Variants in ZNF7 observed in about 807,000 individuals in gnomAD.
The protein encoded by ZNF7 is C2-H2 type zinc finger protein.
A neutral mutation model predicts 12.0 loss-of-function variants in ZNF7; 10 were observed. The ratio of observed to expected loss-of-function variants is 0.83; its 90% confidence interval spans 0.51 to 1.42. The LOEUF is 1.42. Among genes scored for constraint, ZNF7 ranks in the 40% most tolerant of loss-of-function variants. ZNF7 has a pLI of 0.00. For missense variants in ZNF7, 854 were observed against 837.2 expected (o/e 1.02, Z -0.25); for synonymous variants, 334 against 295.0 (o/e 1.13, Z -1.35).
rs772095101 is a variant in ZNF7 at position 144,842,347 on chromosome 8, AAGTGTGATG to A, written c.1247_1255del (p.Asp416_Cys418del). On this transcript the variant is annotated inframe_deletion, in exon 5 of 5. Coordinates refer to ENST00000532777, the MANE Select transcript of ZNF7 (RefSeq NM_003416.4). ...AATTCACGCTGTAGAGAAACCATTT[AAGTGTGATG>A]AGTGTGGGAAAGCTTTTAGGTGGAT... 2 of 1,613,872 alleles carry A rather than the reference AAGTGTGATG, an allele frequency of 1.2e-6. No homozygotes were observed. Among genetic ancestry groups the A allele is most frequent in the Non-Finnish European group, 1.7e-6 (2 of 1,180,016 alleles).
chr8:144,828,456 C>A (rs1245282341), intron 1 of ZNF7, among the ~76,000 whole-genome samples: 1 of 152,206 alleles, frequency 6.6e-6, no homozygotes, highest in Non-Finnish European at 1.5e-5. Context: ...CCTTCCCCAA[C>A]CTCCAGTCGC....
Position 144,842,657 on chromosome 8 carries a change from G to T in ZNF7, c.1550G>T (p.Arg517Ile). The change falls in exon 5 of 5, where the codon AGA becomes ATA. Residue 517 changes from arginine to isoleucine, a missense_variant. By Grantham distance (97) the Arg-to-Ile change is moderately conservative. Coordinates refer to ENST00000532777, the MANE Select transcript of ZNF7 (RefSeq NM_003416.4). ...AGTTCCAGCCTTATTTACCATCAGAGAATCCATAAAGGAGAGAAGCCCTAC... is the reference window on the plus strand; with the variant it reads ...AGTTCCAGCCTTATTTACCATCAGATAATCCATAAAGGAGAGAAGCCCTAC... ...SQSSSLIYHQ[R>I]IHKGEKPYEC... The T allele has an allele frequency of 1.2e-6, 2 of 1,614,186 alleles. No individual in the cohort carries two copies. Among genetic ancestry groups the T allele is most frequent in the Middle Eastern group, 1.6e-4 (1 of 6,062 alleles).
intron 4 of ZNF7, 71 bp from the exon 5 acceptor site, chr8:144,841,284 C>T (rs1354113957): frequency 2.7e-5 from 40 of 1,476,920 alleles, no homozygotes; most frequent in Non-Finnish European, 3.4e-5. Flanking sequence ...AGCCCTGGCC[C>T]CCGCATTTGT....
downstream of ZNF7, among the ~76,000 whole-genome samples, chr8:144,844,709 C>CAAAAAAAAAAA (rs71320849): frequency 4.5e-5 from 4 of 88,614 alleles, no homozygotes; most frequent in African/African-American, 1.7e-4. Context: ...GACTCTGTAT[C>CAAAAAAAAAAA]AAAAAAAAAA....
chr8:144,846,188 A>T (rs1259028600), downstream of ZNF7: 1 of 1,535,874 alleles, frequency 6.5e-7, no homozygotes, highest in East Asian at 2.4e-5. Flanking sequence ...AAAATTCCAG[A>T]TTCTGTGCTA....
chr8:144,845,624 T>A (rs147090252), downstream of ZNF7, among the ~76,000 whole-genome samples: 233 of 152,326 alleles, frequency 1.5e-3, 1 homozygote, highest in Admixed American at 3.4e-3. Context: ...AGGCTGATAT[T>A]CACAGGCATG....
At position 144,843,092 on chromosome 8, in the gene ZNF7, A is replaced by C; in HGVS notation, c.1985A>C (p.Tyr662Ser). 6.2e-7 allele frequency: 1 copy of C among 1,613,010 alleles called. No homozygotes were observed. The highest frequency in any genetic ancestry group is 8.5e-7 in the Non-Finnish European group (1 of 1,179,700). Residue 662 changes from tyrosine (Y) to serine (S), a missense_variant, in exon 5 of 5, where the codon TAT becomes TCT. Transcript: ENST00000532777. Reference sequence around the variant, plus strand: ...AGAATTCACACCGGGGAGAAGCCTTATAAATGCAATGACTGTGGCAAAGCT... The same window carrying C: ...AGAATTCACACCGGGGAGAAGCCTTCTAAATGCAATGACTGTGGCAAAGCT... ...HQRIHTGEKP[Y>S]KCNDCGKAFN...
At chr8:144,833,014 A>G (rs1828616161) in intron 3 of ZNF7, among the ~76,000 whole-genome samples, 2 of 152,080 alleles carry the variant, frequency 1.3e-5, no homozygotes, top group Admixed American at 6.5e-5. Context: ...CCAGGCCAAC[A>G]TGGTGAAACC....
At chr8:144,830,677 G>GTGGTT (rs2130546998) in intron 3 of ZNF7, among the ~76,000 whole-genome samples, 1 of 150,896 alleles carries the variant, frequency 6.6e-6, no homozygotes, top group East Asian at 1.9e-4. Flanking sequence ...TCATTTAGAT[G>GTGGTT]TGGTTTACCC....
intron 1 of ZNF7, 155 bp from the exon 2 acceptor site, chr8:144,828,888 C>A: frequency 2.2e-6 from 2 of 917,080 alleles, no homozygotes; most frequent in Non-Finnish European, 3.3e-6. Flanking sequence ...GCCTCCTTCA[C>A]TCAAGTGCCA....
intron 4 of ZNF7, among the ~76,000 whole-genome samples, chr8:144,839,843 G>A (rs905876497): frequency 2.6e-5 from 4 of 152,304 alleles, no homozygotes; most frequent in African/African-American, 7.2e-5. Context: ...GCACCCCCAC[G>A]CTTTTGACCA....
chr8:144,835,600 C>T (rs1735412), intron 3 of ZNF7: 1 of 152,048 alleles, frequency 6.6e-6, no homozygotes, highest in African/African-American at 2.4e-5. Flanking sequence ...GTTTTGTCAT[C>T]AGTCATATTC....
At chr8:144,833,171 C>G (rs1735414) in intron 3 of ZNF7, among the ~76,000 whole-genome samples, 2 of 136,180 alleles carry the variant, frequency 1.5e-5, no homozygotes, top group Non-Finnish European at 3.1e-5. Flanking sequence ...GCACTTCAGT[C>G]TGGGCAATAA....
chr8:144,829,064 G>C lies in ZNF7; in HGVS notation c.-24G>C, dbSNP rs778875974. ...ACAGGTCTCTCGGCCAGAACACGTG[G>C]ATGCCCACCCACCACTGAGCCTCAT... is the stretch of plus-strand genomic sequence containing the variant. On this transcript the variant is annotated 5_prime_UTR_variant, in exon 2 of 5. Transcript: ENST00000532777. The C allele has an allele frequency of 4.3e-6, 7 of 1,614,028 alleles. No individual in the cohort carries two copies. The South Asian group carries it at 6.6e-5, about 15-fold the overall frequency.
At chr8:144,827,807 C>T in intron 1 of ZNF7, 198 bp downstream of exon 1, 1 of 548,302 alleles carries the variant, frequency 1.8e-6, no homozygotes, top group Non-Finnish European at 2.3e-6. Context: ...CCCGCGGCGG[C>T]GCGAGGTGGG....
intron 3 of ZNF7, chr8:144,834,017 TC>T (rs1372315161): frequency 6.6e-6 from 1 of 152,250 alleles, no homozygotes; most frequent in African/African-American, 2.4e-5. Context: ...CCTCAGGTGA[TC>T]CGTCTGCCTC....
At chr8:144,831,167 C>T in intron 3 of ZNF7, 1 of 359,276 alleles carries the variant, frequency 2.8e-6, no homozygotes, top group Non-Finnish European at 5.5e-6. Context: ...GTACCAGTAA[C>T]TGGAATTGCA....
downstream of ZNF7, chr8:144,846,233 C>A: frequency 1.3e-6 from 2 of 1,494,628 alleles, no homozygotes; most frequent in Admixed American, 4.1e-5. Flanking sequence ...TAACAGCAAC[C>A]AGCCAAAAAG....
intron 4 of ZNF7, chr8:144,838,190 C>T (rs762778559): frequency 2.4e-5 from 17 of 700,966 alleles, no homozygotes; most frequent in Non-Finnish European, 4.4e-5. Context: ...ACACGGCTGC[C>T]TTCTCCCTGC....
Sources: gnomAD v4.1 joint callset for allele counts (sites outside exome capture counted in the v4.1 genomes callset) on GRCh38, gnomAD v4.1.1 for gene constraint, MANE v1.5 for transcripts, NCBI Gene and HGNC (gene_info 2026-07-23, HGNC 2026-07-21) for gene names.